The following PCDHGA7 variants were observed in gnomAD, a reference collection of about 807,000 sequenced individuals.
PCDHGA7 encodes the protein protocadherin gamma-A7.
PCDHGA7 carries 44 observed loss-of-function variants against 58.3 expected under a neutral mutation model. The observed-to-expected ratio is 0.75, with a 90% CI of 0.59 to 0.97. The LOEUF is 0.97. Among genes scored for constraint, PCDHGA7 ranks in the 50% least tolerant of loss-of-function variants. The pLI is 0.00. For missense variants in PCDHGA7, 1,266 were observed against 1,188.7 expected (o/e 1.06, Z -0.96); for synonymous variants, 516 against 504.2 (o/e 1.02, Z -0.31).
intron 2 of PCDHGA7, among the ~76,000 whole-genome samples, chr5:141,501,290 TACACAC>T (rs55762287): frequency 0.081 from 10,957 of 136,038 alleles, 480 homozygotes; most frequent in African/African-American, 0.13. Context: ...TATTCCCTTA[TACACAC>T]ACACACACAC....
intron 1 of PCDHGA7, chr5:141,484,976 G>T: frequency 1.7e-6 from 1 of 592,920 alleles, no homozygotes; most frequent in South Asian, 2.1e-5. Flanking sequence ...GCCGCTGTCT[G>T]CCAATCGGGT....
intron 2 of PCDHGA7, among the ~76,000 whole-genome samples, chr5:141,505,177 A>G (rs917485235): frequency 6.6e-6 from 1 of 152,180 alleles, no homozygotes; most frequent in East Asian, 1.9e-4. Flanking sequence ...AAAAGAAAAA[A>G]GCATCGGAGG....
At chr5:141,410,097 T>G (rs745439318) in intron 1 of PCDHGA7, 3 of 1,612,664 alleles carry the variant, frequency 1.9e-6, no homozygotes, top group Non-Finnish European at 2.5e-6. Context: ...GCTCGAGCCT[T>G]AGGCGACAGG....
At chr5:141,406,189 C>G (rs1277183811) in intron 1 of PCDHGA7, among the ~76,000 whole-genome samples, 1 of 151,722 alleles carries the variant, frequency 6.6e-6, no homozygotes, top group Admixed American at 6.6e-5. Context: ...CCTCCCACCT[C>G]AGCCTTCACA....
intron 1 of PCDHGA7, chr5:141,395,486 A>G: frequency 2.0e-6 from 1 of 510,062 alleles, no homozygotes; most frequent in Non-Finnish European, 3.4e-6. Flanking sequence ...TATTCCTATT[A>G]TCACTCATTC....
At chr5:141,415,804 A>C in intron 1 of PCDHGA7, 1 of 1,366,960 alleles carries the variant, frequency 7.3e-7, no homozygotes, top group Non-Finnish European at 9.4e-7. Flanking sequence ...AGTCTCAATC[A>C]AGGCCTATAT....
chr5:141,457,466 A>C (rs1404739941), intron 1 of PCDHGA7, among the ~76,000 whole-genome samples: 1 of 152,356 alleles, frequency 6.6e-6, no homozygotes, highest in East Asian at 1.9e-4. Context: ...ATTCACAGGA[A>C]TAAGCAGGGC....
rs1199547727 is a variant in PCDHGA7, at chr5:141,383,589, G to A, written c.690G>A (p.Val230=). ...PPRSSTAHIQ[V]TVVDVNDHTP... ...GATCCAGCACCGCCCACATCCAGGT[G>A]ACAGTGGTGGATGTGAATGACCACA... Residue 230 remains valine, a synonymous_variant, in exon 1 of 4, where the codon GTG becomes GTA. Coordinates refer to ENST00000518325, the MANE Select transcript of PCDHGA7 (RefSeq NM_018920.4). The A allele has an allele frequency of 1.2e-6, 2 of 1,613,716 alleles. No individual in the cohort carries two copies. The highest frequency in any genetic ancestry group is 3.3e-5 in the Admixed American group (2 of 60,006).
At position 141,398,898 on chromosome 5, in the gene PCDHGA7, A is replaced by G. The variant is rs565517655; in HGVS notation, c.2424+13575A>G. 11 of 1,613,922 alleles carry G rather than the reference A, an allele frequency of 6.8e-6. No homozygotes were observed. The African/African-American group carries it at 1.1e-4, about 16-fold the overall frequency. ...TCAGCCTTCGGGAAAACGTGCCACCAGGCACCACTGTGTTGCAAGTGTCAG... is the reference window on the plus strand; with the variant it reads ...TCAGCCTTCGGGAAAACGTGCCACCGGGCACCACTGTGTTGCAAGTGTCAG... On this transcript the variant is annotated intron_variant, in intron 1 of 3. Coordinates refer to ENST00000518325, the MANE Select transcript of PCDHGA7 (RefSeq NM_018920.4).
chr5:141,475,908 A>G (rs531350638), intron 1 of PCDHGA7: 110 of 585,688 alleles, frequency 1.9e-4, no homozygotes, highest in Non-Finnish European at 2.5e-4. Context: ...CTGTCGGCCA[A>G]TGAAGACGCT....
intron 3 of PCDHGA7, among the ~76,000 whole-genome samples, chr5:141,507,617 C>T (rs1366723844): frequency 6.6e-6 from 1 of 152,278 alleles, no homozygotes; most frequent in African/African-American, 2.4e-5. Context: ...GTATATTTAG[C>T]TGTTGTGGCC....
chr5:141,426,772 C>T, intron 1 of PCDHGA7: 1 of 456,686 alleles, frequency 2.2e-6, no homozygotes, highest in South Asian at 1.5e-5. Context: ...GATGTAGGGC[C>T]TCACTCTCTC....
In PCDHGA7 at chr5:141,486,001, C is replaced by T. The variant is rs771993915; in HGVS notation, c.2425-8806C>T. ...ACCCGGACCTGGGTCCCAGTGGTAA[C>T]GTCACCTTTTATTTCAGTGGTCATA... On this transcript the variant is annotated intron_variant, in intron 1 of 3. Coordinates refer to ENST00000518325, the MANE Select transcript of PCDHGA7 (RefSeq NM_018920.4). This position sits in a 1 kb window ranked among gnomAD's most constrained non-coding sequence, Gnocchi z 5.0. The T allele has an allele frequency of 2.5e-6, 4 of 1,614,076 alleles. No homozygotes were observed. The highest frequency in any genetic ancestry group is 8.5e-7 in the Non-Finnish European group (1 of 1,180,032).
chr5:141,489,166 C>A lies in PCDHGA7; in HGVS notation c.2425-5641C>A. The A allele has an allele frequency of 9.1e-7, 1 of 1,099,536 alleles. No individual in the cohort carries two copies. The highest frequency in any genetic ancestry group is 1.3e-6 in the Non-Finnish European group (1 of 761,554). The allele number at this position is 1,099,536 out of a possible 1,614,324, so 68.1% of individuals were successfully genotyped here. ...AAGGAGACATAAGAGACTTCAGCTGCTGCATTCCAAGCCCTGGGTCTACCT... is the reference window on the plus strand; with the variant it reads ...AAGGAGACATAAGAGACTTCAGCTGATGCATTCCAAGCCCTGGGTCTACCT... On this transcript the variant is annotated intron_variant, in intron 1 of 3. Transcript: ENST00000518325. This position sits in a 1 kb window ranked among gnomAD's most constrained non-coding sequence, Gnocchi z 4.5.
At chr5:141,390,919 A>C (rs1254063856) in intron 1 of PCDHGA7, 1 of 152,550 alleles carries the variant, frequency 6.6e-6, no homozygotes, top group Non-Finnish European at 1.5e-5. Flanking sequence ...AAAAAGGTCT[A>C]CTATGCTCAT....
In PCDHGA7 at chr5:141,489,906, C is replaced by T. The variant is rs550717535; in HGVS notation, c.2425-4901C>T. On this transcript the variant is annotated intron_variant, in intron 1 of 3. Transcript: ENST00000518325. The surrounding 1 kb of genome is among the most constrained non-coding windows in gnomAD (Gnocchi z 4.5). ...CTGTGGATGGGGGGACCCCAGCCCG[C>T]TCAGGGACCACCCTTATCTCTGTCA... 4.5e-5 allele frequency: 72 copies of T among 1,614,234 alleles called. No individual in the cohort carries two copies. In the African/African-American group the frequency reaches 5.6e-4, roughly 13 times the overall value.
intron 1 of PCDHGA7, chr5:141,395,104 G>A (rs1420682544): frequency 1.9e-6 from 3 of 1,614,028 alleles, no homozygotes; most frequent in Admixed American, 3.3e-5. Flanking sequence ...GCCGACTCGC[G>A]GAAGAGTCAC....
At chr5:141,427,570 C>G (rs1487817661) in intron 1 of PCDHGA7, 8 of 662,270 alleles carry the variant, frequency 1.2e-5, no homozygotes, top group Non-Finnish European at 2.2e-5. Flanking sequence ...GGCAAGCCTC[C>G]GCTCTCATCC....
At chr5:141,455,411 G>T (rs1292246147) in intron 1 of PCDHGA7, among the ~76,000 whole-genome samples, 1 of 152,096 alleles carries the variant, frequency 6.6e-6, no homozygotes, top group Non-Finnish European at 1.5e-5. Context: ...AGAGACAGAG[G>T]GAGCGGGGCT....
Sources: gnomAD v4.1 joint callset for allele counts (sites outside exome capture counted in the v4.1 genomes callset) on GRCh38, gnomAD v4.1.1 for gene constraint, Gnocchi (gnomAD v3.1) non-coding constraint, MANE v1.5 for transcripts, NCBI Gene and HGNC (gene_info 2026-07-23, HGNC 2026-07-21) for gene names.